Variants in MB21D2 observed in about 807,000 individuals in gnomAD.
The protein encoded by MB21D2 is Mab-21 domain containing 2.
Under a neutral mutation model 33.3 loss-of-function variants are expected in MB21D2, and 9 were observed. The observed-to-expected ratio is 0.27, with a 90% confidence interval of 0.16 to 0.47. The LOEUF (loss-of-function observed/expected upper bound fraction) is 0.47. Ranked by LOEUF, MB21D2 falls within the 20% of genes least tolerant of loss-of-function variation. The pLI, the probability that MB21D2 is intolerant of heterozygous loss-of-function variation, is 0.99. For missense variants in MB21D2, 540 were observed against 624.6 expected (o/e 0.86, Z 1.44); for synonymous variants, 241 against 236.3 (o/e 1.02, Z -0.18).
chr3:192,804,428 C>CAGAT (rs573294432), intron 1 of MB21D2, among the ~76,000 whole-genome samples: 1,378 of 5,730 alleles, frequency 0.24, 11 homozygotes, highest in African/African-American at 0.37. Context: ...AAAACAGATA[C>CAGAT]ACACACACAC....
chr3:192,852,290 C>T (rs1712825163), intron 1 of MB21D2, among the ~76,000 whole-genome samples: 1 of 152,168 alleles, frequency 6.6e-6, no homozygotes. Context: ...GTAATTGCTA[C>T]AAAAGCTAAT....
intron 1 of MB21D2, among the ~76,000 whole-genome samples, chr3:192,868,170 T>G (rs62293211): frequency 6.6e-6 from 1 of 152,226 alleles, no homozygotes; most frequent in African/African-American, 2.4e-5. Flanking sequence ...CTAACAACTC[T>G]GATTCTGTGA....
rs549562055 is a variant in MB21D2 at position 192,847,020 on chromosome 3, G to C, written c.212-47370C>G. ...TACAGGCAGCAATTAGAGCCCAGTT[G>C]GGGGAAGACTCATCACCATAGGGAA... On this transcript the variant is annotated intron_variant, in intron 1 of 1. Coordinates refer to ENST00000392452, the MANE Select transcript of MB21D2 (RefSeq NM_178496.4). Among the ~76,000 whole-genome samples, 4 of 152,088 alleles carry C rather than the reference G, an allele frequency of 2.6e-5. No homozygotes were observed. In the South Asian group the frequency reaches 6.2e-4, roughly 24 times the overall value.
intron 1 of MB21D2, among the ~76,000 whole-genome samples, chr3:192,825,743 A>C (rs1712162166): frequency 6.6e-6 from 1 of 152,196 alleles, no homozygotes; most frequent in Admixed American, 6.5e-5. Context: ...GTGTTTCTCC[A>C]GCCTTTCAAT....
intron 1 of MB21D2, among the ~76,000 whole-genome samples, chr3:192,829,339 C>T (rs13322708): frequency 0.35 from 52,833 of 152,122 alleles, 9,830 homozygotes; most frequent in East Asian, 0.61. Context: ...CATTTGTGTA[C>T]AGGCCTTTGT....
chr3:192,843,611 A>T (rs1197669674), intron 1 of MB21D2, among the ~76,000 whole-genome samples: 4 of 152,196 alleles, frequency 2.6e-5, no homozygotes, highest in Admixed American at 6.5e-5. Flanking sequence ...GTCTGTATAC[A>T]GTATGTACAT....
chr3:192,909,249 C>CT (rs1714285280), intron 1 of MB21D2, among the ~76,000 whole-genome samples: 1 of 147,976 alleles, frequency 6.8e-6, no homozygotes, highest in Non-Finnish European at 1.5e-5. Context: ...GAGCGAGACT[C>CT]TGTCTCAAAA....
chr3:192,883,704 G>T (rs938147697), intron 1 of MB21D2, among the ~76,000 whole-genome samples: 8 of 152,000 alleles, frequency 5.3e-5, no homozygotes, highest in African/African-American at 1.9e-4. Flanking sequence ...CAGCATTCCA[G>T]TCCCAGGAAT....
intron 1 of MB21D2, among the ~76,000 whole-genome samples, chr3:192,872,853 C>G (rs1713339745): frequency 6.6e-6 from 1 of 152,162 alleles, no homozygotes; most frequent in Non-Finnish European, 1.5e-5. Context: ...GTTTCATTCA[C>G]ACACACATTA....
Position 192,799,399 on chromosome 3 carries a change from C to T in MB21D2, c.463G>A (p.Glu155Lys). The T allele has an allele frequency of 6.2e-7, 1 of 1,614,222 alleles. No homozygotes were observed. Among genetic ancestry groups the T allele is most frequent in the African/African-American group, 1.3e-5 (1 of 75,064 alleles). Residue 155 changes from glutamate to lysine, a missense_variant, in exon 2 of 2, where the codon GAG becomes AAG. By Grantham distance (56) the Glu-to-Lys change is moderately conservative (BLOSUM62 1). Transcript: ENST00000392452. This position sits in a 1 kb window ranked among gnomAD's most constrained non-coding sequence, Gnocchi z 4.1. ...TCTTTCCATTTACTGATTGTCCCCT[C>T]ATCAAAGAGCCGAAGGCTCAGCCAA... ...HSWLSLRLFD[E>K]GTISKWKDCC...
intron 1 of MB21D2, among the ~76,000 whole-genome samples, chr3:192,801,047 T>C (rs773092447): frequency 3.3e-5 from 5 of 152,250 alleles, no homozygotes; most frequent in Non-Finnish European, 7.3e-5. Context: ...TTGAGAACCA[T>C]GTCTCATGTA....
intron 1 of MB21D2, among the ~76,000 whole-genome samples, chr3:192,899,526 AAAAT>A (rs1339701579): frequency 6.6e-6 from 1 of 152,070 alleles, no homozygotes; most frequent in Admixed American, 6.6e-5. Context: ...AAGACTCTCA[AAAAT>A]AAATAAATAA....
chr3:192,907,649 C>A (rs962562919), intron 1 of MB21D2, among the ~76,000 whole-genome samples: 1 of 152,132 alleles, frequency 6.6e-6, no homozygotes, highest in Admixed American at 6.5e-5. Flanking sequence ...AAGGATAATA[C>A]CATACCAAAT....
At chr3:192,816,223 T>TAAAAAA (rs11423810) in intron 1 of MB21D2, among the ~76,000 whole-genome samples, 15 of 150,804 alleles carry the variant, frequency 9.9e-5, no homozygotes, top group African/African-American at 3.4e-4. Flanking sequence ...TTTTTTTTTT[T>TAAAAAA]AAAAAAAAAG....
intron 1 of MB21D2, among the ~76,000 whole-genome samples, chr3:192,867,945 AG>A (rs1713204561): frequency 1.3e-5 from 2 of 152,162 alleles, no homozygotes; most frequent in South Asian, 4.1e-4. Context: ...TGGGGGAGGA[AG>A]GAAGATTGGA....
intron 1 of MB21D2, among the ~76,000 whole-genome samples, chr3:192,864,780 T>G (rs1360110145): frequency 2.0e-5 from 3 of 152,198 alleles, no homozygotes; most frequent in African/African-American, 7.2e-5. Context: ...GTGCTGGGGT[T>G]ACAGGTGTGA....
chr3:192,799,352 G>A lies in MB21D2; in HGVS notation c.510C>T (p.His170=). 1 of 1,614,230 alleles carries A rather than the reference G, an allele frequency of 6.2e-7. No individual in the cohort carries two copies. The highest frequency in any genetic ancestry group is 8.5e-7 in the Non-Finnish European group (1 of 1,180,042). The change falls in exon 2 of 2, where the codon CAC becomes CAT. Residue 170 remains histidine, a synonymous_variant. Coordinates refer to ENST00000392452, the MANE Select transcript of MB21D2 (RefSeq NM_178496.4). This position sits in a 1 kb window ranked among gnomAD's most constrained non-coding sequence, Gnocchi z 4.1. The part of the protein sequence containing the change: ...KWKDCCTIVD[H]INGATNYFFS... ...AGAAGTAGTTGGTGGCACCATTGAT[G>A]TGATCTACAATGGTGCAGCAGTCTT...
At chr3:192,890,058 C>T (rs1713815553) in intron 1 of MB21D2, among the ~76,000 whole-genome samples, 1 of 152,056 alleles carries the variant, frequency 6.6e-6, no homozygotes, top group African/African-American at 2.4e-5. Context: ...ATTCTTTTTA[C>T]CTTTATTTAT....
intron 1 of MB21D2, among the ~76,000 whole-genome samples, chr3:192,831,980 T>C (rs1341329249): frequency 6.6e-6 from 1 of 152,126 alleles, no homozygotes; most frequent in Non-Finnish European, 1.5e-5. Flanking sequence ...CAGGCTCCTA[T>C]CACAATTTAT....
Sources: allele counts gnomAD v4.1 joint callset (sites outside exome capture counted in the v4.1 genomes callset), GRCh38; gene constraint gnomAD v4.1.1; non-coding constraint Gnocchi (gnomAD v3.1); transcripts MANE v1.5; gene names NCBI Gene and HGNC (gene_info 2026-07-23, HGNC 2026-07-21).